RARB: variants seen among roughly 807,000 people sequenced by gnomAD.
The protein encoded by RARB is HBV-activated protein.
In RARB, 17 loss-of-function variants were observed where a neutral mutation model predicts 51.9. That is an observed-to-expected ratio of 0.33 (90% CI 0.22 to 0.49). The LOEUF (loss-of-function observed/expected upper bound fraction) is 0.49. RARB is among the 20% of genes least tolerant of loss of function. The pLI, the probability that RARB is intolerant of heterozygous loss-of-function variation, is 0.99. For synonymous variants in RARB, 215 were observed against 195.4 expected, an observed-to-expected ratio of 1.10 and a Z score of -0.84; for missense variants, 369 against 550.8, an observed-to-expected ratio of 0.67 and a Z score of 3.30.
intron 5 of RARB, among the ~76,000 whole-genome samples, chr3:25,232,551 C>T (rs911380746): frequency 2.6e-5 from 4 of 151,904 alleles, no homozygotes; most frequent in South Asian, 2.1e-4. Flanking sequence ...CTTTGGCCAA[C>T]GTTTTGTCAT....
intron 2 of RARB, among the ~76,000 whole-genome samples, chr3:25,007,721 T>C (rs540436891): frequency 2.0e-5 from 3 of 150,992 alleles, no homozygotes; most frequent in South Asian, 4.2e-4. Flanking sequence ...CACCACACAA[T>C]AAATATTCTC....
At chr3:25,258,636 G>C (rs1306934627) in intron 5 of RARB, among the ~76,000 whole-genome samples, 1 of 152,032 alleles carries the variant, frequency 6.6e-6, no homozygotes, top group Non-Finnish European at 1.5e-5. Context: ...AAATACTTAA[G>C]ACTGAATAAT....
intron 1 of RARB, among the ~76,000 whole-genome samples, chr3:24,839,614 G>C (rs191606456): frequency 4.7e-5 from 7 of 150,188 alleles, no homozygotes; most frequent in Admixed American, 2.0e-4. Flanking sequence ...AGGCTGAGGT[G>C]GGGGGATCTC....
intron 2 of RARB, among the ~76,000 whole-genome samples, chr3:24,883,144 G>T (rs1703201514): frequency 6.6e-6 from 1 of 152,000 alleles, no homozygotes; most frequent in African/African-American, 2.4e-5. Context: ...CAAAAAATCT[G>T]TTTTAAAAAA....
chr3:25,191,533 G>A (rs1273570597), intron 5 of RARB, among the ~76,000 whole-genome samples: 2 of 151,958 alleles, frequency 1.3e-5, no homozygotes, highest in African/African-American at 2.4e-5. Context: ...ATCCAAAAAT[G>A]GACAGCTATG....
At chr3:25,253,609 A>G (rs1702785148) in intron 5 of RARB, among the ~76,000 whole-genome samples, 2 of 152,188 alleles carry the variant, frequency 1.3e-5, no homozygotes, top group African/African-American at 4.8e-5. Flanking sequence ...GAGGGGAGAA[A>G]ATGGACAGAT....
intron 5 of RARB, among the ~76,000 whole-genome samples, chr3:25,359,532 G>C (rs1341175066): frequency 6.6e-6 from 1 of 152,004 alleles, no homozygotes; most frequent in African/African-American, 2.4e-5. Flanking sequence ...GAATGTGTTT[G>C]CTCTTGCTTC....
chr3:25,376,389 A>G (rs1426991963), intron 5 of RARB, among the ~76,000 whole-genome samples: 2 of 152,208 alleles, frequency 1.3e-5, no homozygotes, highest in Non-Finnish European at 2.9e-5. Flanking sequence ...TTAACGTAGT[A>G]TACATCAAAA....
At chr3:25,471,610 T>TC (rs71087717) in intron 2 of RARB, among the ~76,000 whole-genome samples, 4,745 of 151,302 alleles carry the variant, frequency 0.031, 264 homozygotes, top group African/African-American at 0.11. Context: ...TTTTTTTTTT[T>TC]CCTTGAGTTG....
chr3:25,297,625 CG>C (rs1703947550), intron 5 of RARB, among the ~76,000 whole-genome samples: 2 of 152,058 alleles, frequency 1.3e-5, no homozygotes, highest in South Asian at 4.2e-4. Context: ...AGCAGATCTT[CG>C]TGGGGATTTT....
At chr3:25,465,737 G>A (rs574970725) in intron 2 of RARB, among the ~76,000 whole-genome samples, 2 of 152,222 alleles carry the variant, frequency 1.3e-5, no homozygotes, top group African/African-American at 4.8e-5. Flanking sequence ...GTGAGCGATG[G>A]CAGTTTTTGT....
At chr3:25,239,637 T>A (rs116113991) in intron 5 of RARB, among the ~76,000 whole-genome samples, 1 of 152,190 alleles carries the variant, frequency 6.6e-6, no homozygotes, top group Non-Finnish European at 1.5e-5. Context: ...TTCTGGGTCC[T>A]CTATTCTGTT....
chr3:25,471,127 A>G (rs1401088805), intron 2 of RARB, among the ~76,000 whole-genome samples: 6 of 152,214 alleles, frequency 3.9e-5, no homozygotes, highest in Non-Finnish European at 4.4e-5. Context: ...TTGGGATGAT[A>G]CATTCATGTA....
intron 2 of RARB, among the ~76,000 whole-genome samples, chr3:25,493,365 C>T (rs1162294767): frequency 2.6e-5 from 4 of 152,102 alleles, no homozygotes; most frequent in African/African-American, 9.7e-5. Flanking sequence ...TTTAAGGCAA[C>T]GTGTTTCCTG....
intron 2 of RARB, among the ~76,000 whole-genome samples, chr3:24,877,196 C>T (rs188922328): frequency 1.9e-3 from 295 of 152,070 alleles, no homozygotes; most frequent in African/African-American, 6.7e-3. Context: ...CATTTCTTAG[C>T]TGCACAATGA....
At chr3:25,184,027 G>A (rs1391952335) in intron 5 of RARB, among the ~76,000 whole-genome samples, 1 of 152,020 alleles carries the variant, frequency 6.6e-6, no homozygotes, top group African/African-American at 2.4e-5. Context: ...AAGGATTCTG[G>A]CCCTAACTAA....
chr3:25,574,470 G>T (rs1700841039), intron 4 of RARB, among the ~76,000 whole-genome samples: 1 of 152,168 alleles, frequency 6.6e-6, no homozygotes, highest in African/African-American at 2.4e-5. Context: ...CGAGCCACAT[G>T]CCCAGGTTCT....
In RARB at chr3:25,040,663, G is replaced by T. The variant is rs575730789; in HGVS notation, c.-379-19462G>T. On this transcript the variant is annotated intron_variant, in intron 2 of 11. Coordinates refer to the RARB transcript ENST00000383772. ...AGCTACTCAGGAGACTGAGGCAGAA[G>T]AATTGCTTGAACCTGGGAGGCGGAG... is the stretch of plus-strand genomic sequence containing the variant. Among the ~76,000 whole-genome samples, 15 of 152,142 alleles carry T rather than the reference G, an allele frequency of 9.9e-5. 1 individual carries two copies. Among genetic ancestry groups the T allele is most frequent in the Admixed American group, 8.5e-4 (13 of 15,288 alleles).
At chr3:25,098,472 C>T (rs913639545) in intron 3 of RARB, among the ~76,000 whole-genome samples, 4 of 152,152 alleles carry the variant, frequency 2.6e-5, no homozygotes, top group African/African-American at 9.7e-5. Context: ...CAATTCCTAC[C>T]TGTGTAATAT....
Sources: gnomAD v4.1 joint callset for allele counts (sites outside exome capture counted in the v4.1 genomes callset) on GRCh38, gnomAD v4.1.1 for gene constraint, MANE v1.5 for transcripts, NCBI Gene and HGNC (gene_info 2026-07-23, HGNC 2026-07-21) for gene names.